Variants in SLC25A26 observed in about 807,000 individuals in gnomAD.
SLC25A26 encodes the protein solute carrier family 25 member 26.
In SLC25A26, 36 loss-of-function variants were observed where a neutral mutation model predicts 37.8. The ratio of observed to expected loss-of-function variants is 0.95; its 90% CI spans 0.73 to 1.26. The LOEUF (loss-of-function observed/expected upper bound fraction) is 1.26. Among genes scored for constraint, SLC25A26 ranks in the 50% most tolerant of loss-of-function variants. The pLI is 0.00. For missense variants in SLC25A26, 390 were observed against 331.1 expected (o/e 1.18, Z -1.38); for synonymous variants, 129 against 122.5 (o/e 1.05, Z -0.35).
intron 2 of SLC25A26, 126 bp downstream of exon 2, chr3:66,236,826 C>A: frequency 1.5e-6 from 1 of 664,686 alleles, no homozygotes; most frequent in Non-Finnish European, 2.2e-6. Flanking sequence ...CTTCTTTAAC[C>A]TGGTGTCATT....
chr3:66,216,786 T>G (rs1461379018), upstream of SLC25A26, among the ~76,000 whole-genome samples: 1 of 151,642 alleles, frequency 6.6e-6, no homozygotes, highest in Non-Finnish European at 1.5e-5. Context: ...ATCACATGTG[T>G]AATGCAAATC....
chr3:66,149,079 G>C (rs913521474), intron 1 of SLC25A26, among the ~76,000 whole-genome samples: 3 of 152,110 alleles, frequency 2.0e-5, no homozygotes, highest in African/African-American at 7.2e-5. Flanking sequence ...TGTGACTCAG[G>C]CTGGATAAAC....
In SLC25A26 at chr3:66,175,142, C is replaced by CATATAT. The variant is rs1299442967; in HGVS notation, c.-354+41159_-354+41160insTATATA. Among the ~76,000 whole-genome samples the CATATAT allele has an allele frequency of 9.9e-4, 73 of 74,066 alleles. 1 individual carries two copies. The highest frequency in any genetic ancestry group is 4.2e-3 in the African/African-American group (70 of 16,614). 48.6% of individuals were successfully genotyped at this position (74,066 alleles called of 152,430 possible). ...ATATATATATATATATATATATATACACACACACACACACACACATTATAT... is the reference window on the plus strand; with the variant it reads ...ATATATATATATATATATATATATACATATATACACACACACACACACACATTATAT... On this transcript the variant is annotated intron_variant, in intron 1 of 10. Transcript: ENST00000676754.
In SLC25A26 at chr3:66,236,622, C is replaced by G. The variant is rs2072302290; in HGVS notation, c.112C>G (p.Gln38Glu). 1 of 1,527,294 alleles carries G rather than the reference C, an allele frequency of 6.5e-7. No individual in the cohort carries two copies. Among genetic ancestry groups the G allele is most frequent in the African/African-American group, 1.4e-5 (1 of 72,878 alleles). 94.6% of individuals were successfully genotyped at this position (1,527,294 alleles called of 1,614,324 possible). A position where few individuals can be genotyped will look rare whatever the true frequency, so the allele number is the denominator to read the frequency against. Residue 38 changes from glutamine (Q) to glutamate (E), a missense_variant, in exon 2 of 10, where the codon CAA (glutamine) becomes GAA (glutamate). By Grantham distance (29) the Gln-to-Glu change is conservative. Transcript: ENST00000354883. ...DTIKTRLQSP[Q>E]GFSKAGGFHG... ...CATTAAAACCAGGCTGCAGAGTCCC[C>G]AAGGATTTAGTAAGGCTGGTGGTTT...
In SLC25A26 at chr3:66,337,325, T is replaced by C. The variant is rs1477602669; in HGVS notation, c.454-9039T>C. On this transcript the variant is annotated intron_variant, in intron 5 of 9. Transcript: ENST00000354883. ...TAGCCTACCATGTTAGTGTGAGGTATGTTGAGGAATATTTACAGACTGTAT... is the reference window on the plus strand; with the variant it reads ...TAGCCTACCATGTTAGTGTGAGGTACGTTGAGGAATATTTACAGACTGTAT... Among the ~76,000 whole-genome samples, 5 of 152,234 alleles carry C rather than the reference T, an allele frequency of 3.3e-5. No individual in the cohort carries two copies. The East Asian group carries it at 9.6e-4, about 29-fold the overall frequency.
intron 1 of SLC25A26, among the ~76,000 whole-genome samples, chr3:66,193,505 A>G (rs1002832355): frequency 1.1e-4 from 16 of 152,212 alleles, no homozygotes; most frequent in African/African-American, 2.4e-5. Context: ...TCCAGAAATT[A>G]AATCAGTTCA....
intron 1 of SLC25A26, among the ~76,000 whole-genome samples, chr3:66,224,091 T>A (rs552273139): frequency 6.6e-6 from 1 of 152,188 alleles, no homozygotes; most frequent in Non-Finnish European, 1.5e-5. Context: ...TGAGATAAAA[T>A]TAAGAGAAAA....
Position 66,227,334 on chromosome 3 carries a change from A to T in SLC25A26, c.33+6207A>T, listed in dbSNP as rs187240313. On this transcript the variant is annotated intron_variant, in intron 1 of 9. Transcript: ENST00000354883. Reference sequence around the variant, plus strand: ...TCTGATTTTTGTTTAACTTTGTGTTACCACTTTTCATTTTTTTTGCATTTT... The same window carrying T: ...TCTGATTTTTGTTTAACTTTGTGTTTCCACTTTTCATTTTTTTTGCATTTT... 3.9e-5 allele frequency among the ~76,000 whole-genome samples: 6 copies of T among 152,252 alleles called. No individual in the cohort carries two copies. In the East Asian group the frequency reaches 1.2e-3, roughly 29 times the overall value.
intron 1 of SLC25A26, among the ~76,000 whole-genome samples, chr3:66,155,946 C>G (rs951951596): frequency 2.0e-5 from 3 of 152,150 alleles, no homozygotes; most frequent in Non-Finnish European, 4.4e-5. Context: ...ACTTAGGAAC[C>G]AGAGTCTCTG....
chr3:66,234,843 A>G (rs781909400), intron 1 of SLC25A26, among the ~76,000 whole-genome samples: 4 of 152,240 alleles, frequency 2.6e-5, no homozygotes, highest in East Asian at 1.9e-4. Flanking sequence ...TGAAATGTAT[A>G]GTTTAAAAAT....
chr3:66,289,771 C>G (rs905646747), intron 5 of SLC25A26, among the ~76,000 whole-genome samples: 1 of 152,096 alleles, frequency 6.6e-6, no homozygotes, highest in Non-Finnish European at 1.5e-5. Flanking sequence ...CAGCTTTGTT[C>G]TTTTGCTTAG....
At chr3:66,351,814 A>C (rs916486168) in intron 6 of SLC25A26, among the ~76,000 whole-genome samples, 1 of 152,172 alleles carries the variant, frequency 6.6e-6, no homozygotes, top group African/African-American at 2.4e-5. Context: ...CATCTAGCCC[A>C]TCAACAAGTT....
intron 1 of SLC25A26, among the ~76,000 whole-genome samples, chr3:66,160,771 C>T (rs971874032): frequency 6.6e-6 from 1 of 152,008 alleles, no homozygotes; most frequent in Non-Finnish European, 1.5e-5. Flanking sequence ...CCCGTCTCTA[C>T]TAAAAACACA....
intron 5 of SLC25A26, among the ~76,000 whole-genome samples, chr3:66,278,139 A>G (rs1483629715): frequency 1.3e-5 from 2 of 152,196 alleles, no homozygotes; most frequent in Non-Finnish European, 2.9e-5. Context: ...ATTTATTAAC[A>G]TTAGAGAAGC....
chr3:66,326,310 C>G (rs11717286), intron 5 of SLC25A26, among the ~76,000 whole-genome samples: 1 of 151,976 alleles, frequency 6.6e-6, no homozygotes, highest in Non-Finnish European at 1.5e-5. Context: ...GAAGACATTA[C>G]GAAAAAAATC....
chr3:66,343,613 T>G (rs1390940476), intron 5 of SLC25A26, among the ~76,000 whole-genome samples: 1 of 152,210 alleles, frequency 6.6e-6, no homozygotes, highest in East Asian at 1.9e-4. Flanking sequence ...ATCTAAAGTA[T>G]TAAGTACCAA....
chr3:66,138,186 C>T (rs905874128), intron 1 of SLC25A26, among the ~76,000 whole-genome samples: 5 of 151,982 alleles, frequency 3.3e-5, no homozygotes, highest in East Asian at 1.9e-4. Context: ...CATGTGAACA[C>T]GTAAAATAAA....
chr3:66,183,319 T>A (rs1263007343), intron 1 of SLC25A26, among the ~76,000 whole-genome samples: 1 of 152,044 alleles, frequency 6.6e-6, no homozygotes, highest in African/African-American at 2.4e-5. Flanking sequence ...TCAGCTATGC[T>A]CACCCAGACT....
At chr3:66,353,728 A>C (rs1399264465) in intron 6 of SLC25A26, among the ~76,000 whole-genome samples, 1 of 152,214 alleles carries the variant, frequency 6.6e-6, no homozygotes, top group African/African-American at 2.4e-5. Flanking sequence ...GAGCTTGGGC[A>C]AGGATTAAAC....
Sources: allele counts gnomAD v4.1 joint callset (sites outside exome capture counted in the v4.1 genomes callset), GRCh38; gene constraint gnomAD v4.1.1; transcripts MANE v1.5; gene names NCBI Gene and HGNC (gene_info 2026-07-23, HGNC 2026-07-21).